CASZ1: variants seen among roughly 807,000 people sequenced by gnomAD.
CASZ1 encodes the protein castor zinc finger 1, also known as zinc finger protein castor homolog 1.
Under a neutral mutation model 135.2 loss-of-function variants are expected in CASZ1, and 28 were observed. That is an observed-to-expected ratio of 0.21 (90% CI 0.15 to 0.28). CASZ1 has a LOEUF of 0.28. CASZ1 is among the 10% of genes least tolerant of loss of function. The probability of loss-of-function intolerance (pLI) is 1.00; values close to 1 mark genes in which losing one functional copy is unlikely to be tolerated. For missense variants in CASZ1, 2,161 were observed against 2,453.3 expected (o/e 0.88, Z 2.52); for synonymous variants, 1,068 against 1,073.4 (o/e 0.99, Z 0.10).
At chr1:10,754,007 C>G (rs569149510) in intron 2 of CASZ1, among the ~76,000 whole-genome samples, 173 of 152,290 alleles carry the variant, frequency 1.1e-3, no homozygotes, top group African/African-American at 3.9e-3. Context: ...CCTCACTCTG[C>G]TCTAGCCACG....
In CASZ1 at chr1:10,694,278, GC is replaced by G; in HGVS notation, c.-23-367del. On this transcript the variant is annotated intron_variant, in intron 3 of 20. Coordinates refer to ENST00000377022, the MANE Select transcript of CASZ1 (RefSeq NM_001079843.3). This position sits in a 1 kb window ranked among gnomAD's most constrained non-coding sequence, Gnocchi z 6.6. ...AGACCGCGGCCCCCGGGCCTCCCCC[GC>G]CCGCGCCCGGTACTCACCATAGTCG... 1 of 1,058,278 alleles carries G rather than the reference GC, an allele frequency of 9.4e-7. No individual in the cohort carries two copies. The highest frequency in any genetic ancestry group is 1.2e-6 in the Non-Finnish European group (1 of 865,610). 65.6% of individuals were successfully genotyped at this position (1,058,278 alleles called of 1,614,324 possible).
At chr1:10,644,000 C>T (rs1340282952) in intron 18 of CASZ1, among the ~76,000 whole-genome samples, 2 of 152,224 alleles carry the variant, frequency 1.3e-5, no homozygotes, top group East Asian at 1.9e-4. Flanking sequence ...TCTCCCTGGC[C>T]GAGAACTCCT....
chr1:10,742,590 G>T (rs1205943332), intron 2 of CASZ1, among the ~76,000 whole-genome samples: 1 of 152,152 alleles, frequency 6.6e-6, no homozygotes, highest in Non-Finnish European at 1.5e-5. Flanking sequence ...TAAAAAGGCT[G>T]AATCTAGAAG....
In CASZ1 at chr1:10,655,524, G is replaced by C. The variant is rs2242286; in HGVS notation, c.1665+125C>G. The C allele has an allele frequency of 4.2e-3, 3,828 of 913,924 alleles. 31 individuals carry two copies. Among genetic ancestry groups the C allele is most frequent in the East Asian group, 0.028 (1,052 of 37,478 alleles). 56.6% of individuals were successfully genotyped at this position (913,924 alleles called of 1,614,324 possible). ...TCCCTGTGCTGGGCCAGGGGAAAGAGAGGCTCCTGATCAACTGGGGTCCCT... is the reference window on the plus strand; with the variant it reads ...TCCCTGTGCTGGGCCAGGGGAAAGACAGGCTCCTGATCAACTGGGGTCCCT... On this transcript the variant is annotated intron_variant, in intron 9 of 20. Coordinates refer to ENST00000377022, the MANE Select transcript of CASZ1 (RefSeq NM_001079843.3).
In CASZ1 at chr1:10,755,377, G is replaced by A. The variant is rs901557474; in HGVS notation, c.-77+5324C>T. On this transcript the variant is annotated intron_variant, in intron 2 of 20. Coordinates refer to ENST00000377022, the MANE Select transcript of CASZ1 (RefSeq NM_001079843.3). The surrounding 1 kb of genome is among the most constrained non-coding windows in gnomAD (Gnocchi z 4.3). ...GACTCCTCCATGTGTGAGACCTGAC[G>A]TCGCCTCTCCAATGCCAGCCTCTCT... is the stretch of plus-strand genomic sequence containing the variant. 3.9e-5 allele frequency among the ~76,000 whole-genome samples: 6 copies of A among 152,300 alleles called. No individual in the cohort carries two copies. The East Asian group carries it at 5.8e-4, about 15-fold the overall frequency.
In CASZ1 at chr1:10,646,116, C is replaced by T. The variant is rs367962209; in HGVS notation, c.3696+12G>A. On this transcript the variant is annotated intron_variant, in intron 17 of 20. Coordinates refer to ENST00000377022, the MANE Select transcript of CASZ1 (RefSeq NM_001079843.3). This position sits in a 1 kb window ranked among gnomAD's most constrained non-coding sequence, Gnocchi z 6.4. ...CCTACTCTGCCCCTGCGCCGTGTACCGCCATGCTGACCTGGTTGGGACAGA... is the reference window on the plus strand; with the variant it reads ...CCTACTCTGCCCCTGCGCCGTGTACTGCCATGCTGACCTGGTTGGGACAGA... 2.7e-5 allele frequency: 44 copies of T among 1,613,634 alleles called. No individual in the cohort carries two copies. Among genetic ancestry groups the T allele is most frequent in the South Asian group, 1.5e-4 (14 of 91,038 alleles).
At chr1:10,691,708 G>A (rs1638776132) in intron 4 of CASZ1, among the ~76,000 whole-genome samples, 1 of 152,254 alleles carries the variant, frequency 6.6e-6, no homozygotes, top group Non-Finnish European at 1.5e-5. Context: ...TCCTGAAGAT[G>A]AGCATGGAGT....
At position 10,654,098 on chromosome 1, in the gene CASZ1, C is replaced by T. The variant is rs372726912; in HGVS notation, c.1959G>A (p.Glu653=). 7.6e-5 allele frequency: 123 copies of T among 1,614,224 alleles called. 1 individual carries two copies. In the South Asian group the frequency reaches 1.3e-3, roughly 17 times the overall value. The change falls in exon 11 of 21, where the codon GAG becomes GAA. Residue 653 remains glutamate, a synonymous_variant. Coordinates refer to ENST00000377022, the MANE Select transcript of CASZ1 (RefSeq NM_001079843.3). ...DGFKKFYKYE[E]CKYEGCVYSK... Reference sequence around the variant, plus strand: ...TGTACACGCAGCCCTCGTACTTGCACTCCTCGTACTTGTAGAACTTCTTGA... The same window carrying T: ...TGTACACGCAGCCCTCGTACTTGCATTCCTCGTACTTGTAGAACTTCTTGA...
intron 2 of CASZ1, among the ~76,000 whole-genome samples, chr1:10,712,814 G>A (rs1440416541): frequency 2.0e-5 from 3 of 152,198 alleles, no homozygotes; most frequent in Admixed American, 1.3e-4. Context: ...AATACACACG[G>A]CCCAGCCAAT....
chr1:10,746,047 T>C (rs974918994), intron 2 of CASZ1, among the ~76,000 whole-genome samples: 3 of 152,206 alleles, frequency 2.0e-5, no homozygotes, highest in Non-Finnish European at 4.4e-5. Flanking sequence ...ACTGGCCCCA[T>C]TCACAGGTGA....
At position 10,679,527 on chromosome 1, in the gene CASZ1, C is replaced by T. The variant is rs1004036413; in HGVS notation, c.17-13956G>A. On this transcript the variant is annotated intron_variant, in intron 4 of 20. Transcript: ENST00000377022. This position sits in a 1 kb window ranked among gnomAD's most constrained non-coding sequence, Gnocchi z 4.7. ...AGCAGCCCCCACATACTCTGGCATTCTCCTAGGGCCCCCCGCGGGCCCCTC... is the reference window on the plus strand; with the variant it reads ...AGCAGCCCCCACATACTCTGGCATTTTCCTAGGGCCCCCCGCGGGCCCCTC... Among the ~76,000 whole-genome samples the T allele has an allele frequency of 2.0e-5, 3 of 152,166 alleles. No homozygotes were observed. Among genetic ancestry groups the T allele is most frequent in the African/African-American group, 7.2e-5 (3 of 41,424 alleles).
rs867502633 is a variant in CASZ1, at chr1:10,777,114, C to T, written c.-233-16257G>A. ...TAGGGCCTGCGGCACGAAGCAACCTCCCTCTGGGCCTCAGTTTCCCCACCT... is the reference window on the plus strand; with the variant it reads ...TAGGGCCTGCGGCACGAAGCAACCTTCCTCTGGGCCTCAGTTTCCCCACCT... On this transcript the variant is annotated intron_variant, in intron 1 of 20. Transcript: ENST00000377022. This position sits in a 1 kb window ranked among gnomAD's most constrained non-coding sequence, Gnocchi z 4.4. Among the ~76,000 whole-genome samples, 8 of 152,318 alleles carry T rather than the reference C, an allele frequency of 5.3e-5. No individual in the cohort carries two copies. The highest frequency in any genetic ancestry group is 3.4e-3 in the Middle Eastern group (1 of 294).
chr1:10,731,254 C>T (rs922564481), intron 2 of CASZ1, among the ~76,000 whole-genome samples: 4 of 151,946 alleles, frequency 2.6e-5, no homozygotes, highest in Non-Finnish European at 4.4e-5. Context: ...GCAGCTTGAG[C>T]AACATAGTGA....
intron 4 of CASZ1, among the ~76,000 whole-genome samples, chr1:10,674,468 C>T (rs1252224448): frequency 1.3e-5 from 2 of 152,406 alleles, no homozygotes; most frequent in South Asian, 2.1e-4. Flanking sequence ...CGTGGGGCAC[C>T]TGGGCTTTGG....
chr1:10,746,069 CAG>C (rs1409353933), intron 2 of CASZ1, among the ~76,000 whole-genome samples: 1 of 152,242 alleles, frequency 6.6e-6, no homozygotes, highest in Non-Finnish European at 1.5e-5. Flanking sequence ...GAAACTGGGA[CAG>C]AGTCAACAGA....
At position 10,686,381 on chromosome 1, in the gene CASZ1, G is replaced by C. The variant is rs151169977; in HGVS notation, c.16+7493C>G. 4.9e-3 allele frequency among the ~76,000 whole-genome samples: 749 copies of C among 152,352 alleles called. 4 individuals are homozygous for C. The highest frequency in any genetic ancestry group is 0.016 in the African/African-American group (686 of 41,592). On this transcript the variant is annotated intron_variant, in intron 4 of 20. Coordinates refer to ENST00000377022, the MANE Select transcript of CASZ1 (RefSeq NM_001079843.3). ...AGCACGAGGTGGGGCCTGGAAACAG[G>C]TCACACACCAACTATGGGGCAGCCC...
rs1398836557 is a variant in CASZ1, at chr1:10,717,265, C to A, written c.-76-11721G>T. 6.6e-6 allele frequency among the ~76,000 whole-genome samples: 1 copy of A among 152,228 alleles called. No individual in the cohort carries two copies. The highest frequency in any genetic ancestry group is 1.5e-5 in the Non-Finnish European group (1 of 68,044). ...CAGTTCCCACGGAACCCACTCACCC[C>A]ACCCCCAGCCTCTGCAGCTCCCCAG... On this transcript the variant is annotated intron_variant, in intron 2 of 20. Coordinates refer to ENST00000377022, the MANE Select transcript of CASZ1 (RefSeq NM_001079843.3). This position sits in a 1 kb window ranked among gnomAD's most constrained non-coding sequence, Gnocchi z 4.6.
chr1:10,782,831 G>A (rs1046457879), intron 1 of CASZ1, among the ~76,000 whole-genome samples: 8 of 152,230 alleles, frequency 5.3e-5, no homozygotes, highest in Admixed American at 2.6e-4. Context: ...GATAGTGTGT[G>A]ATACGTGCAA....
At position 10,693,917 on chromosome 1, in the gene CASZ1, G is replaced by C; in HGVS notation, c.-23-5C>G. The C allele has an allele frequency of 6.2e-7, 1 of 1,612,564 alleles. No homozygotes were observed. The highest frequency in any genetic ancestry group is 8.5e-7 in the Non-Finnish European group (1 of 1,179,166). On this transcript the variant is annotated splice_region_variant and splice_polypyrimidine_tract_variant and intron_variant, in intron 3 of 20. Coordinates refer to ENST00000377022, the MANE Select transcript of CASZ1 (RefSeq NM_001079843.3). ...TCTTCTCCTTGGTCCCAAACTCTTC[G>C]CAGAACGCCACCAGGGGAAGACCGG...
Sources: allele counts gnomAD v4.1 joint callset (sites outside exome capture counted in the v4.1 genomes callset), GRCh38; gene constraint gnomAD v4.1.1; non-coding constraint Gnocchi (gnomAD v3.1); transcripts MANE v1.5; gene names NCBI Gene and HGNC (gene_info 2026-07-23, HGNC 2026-07-21).